Variants in CORO7 observed in about 807,000 individuals in gnomAD.
CORO7 encodes coronin 7.
A neutral mutation model predicts 126.6 loss-of-function variants in CORO7; 107 were observed. The observed-to-expected ratio is 0.85, with a 90% CI of 0.72 to 0.99. The LOEUF (loss-of-function observed/expected upper bound fraction) is 0.99. CORO7 is among the 50% of genes least tolerant of loss of function. The pLI, the probability that CORO7 is intolerant of heterozygous loss-of-function variation, is 0.00. For synonymous variants in CORO7, 603 were observed against 536.8 expected (o/e 1.12, Z -1.70); for missense variants, 1,314 against 1,255.8 (o/e 1.05, Z -0.70).
intron 6 of CORO7, among the ~76,000 whole-genome samples, chr16:4,398,377 T>C (rs1051300716): frequency 6.6e-6 from 1 of 152,020 alleles, no homozygotes; most frequent in Non-Finnish European, 1.5e-5. Context: ...AAATAGCAAG[T>C]ATCAGGCCGG....
intron 3 of CORO7, among the ~76,000 whole-genome samples, chr16:4,409,775 C>G (rs1029609011): frequency 6.6e-6 from 1 of 152,214 alleles, no homozygotes; most frequent in Non-Finnish European, 1.5e-5. Context: ...GGCTGCTGGG[C>G]GGAAGGGCAA....
chr16:4,359,132 C>T (rs1217605802), intron 23 of CORO7, 164 bp downstream of exon 23: 1 of 739,742 alleles, frequency 1.4e-6, no homozygotes, highest in Non-Finnish European at 2.1e-6. Context: ...CTAAATAATT[C>T]CAGCAGCAAC....
At chr16:4,387,843 T>C (rs1268025498) in intron 9 of CORO7, 143 bp downstream of exon 9, 3 of 1,026,442 alleles carry the variant, frequency 2.9e-6, no homozygotes, top group Non-Finnish European at 4.3e-6. Context: ...CAGGTGTCTG[T>C]TGCAAGGCCT....
At chr16:4,381,475 G>A in intron 9 of CORO7, 1 of 1,583,646 alleles carries the variant, frequency 6.3e-7, no homozygotes, top group South Asian at 1.1e-5. Context: ...GCTGCGGCTG[G>A]CTGGTCTGGG....
intron 9 of CORO7, chr16:4,381,095 C>T (rs1169532417): frequency 6.2e-7 from 1 of 1,607,840 alleles, no homozygotes; most frequent in Admixed American, 1.7e-5. Context: ...GGCAGCTTTG[C>T]CGGCCTGCCG....
At chr16:4,416,376 G>GCA in intron 1 of CORO7, 83 bp downstream of exon 1, 1 of 1,431,352 alleles carries the variant, frequency 7.0e-7, no homozygotes, top group Non-Finnish European at 9.1e-7. Context: ...GCCCTGGAGG[G>GCA]CACCCCTGTG....
At chr16:4,360,636 C>CGCCGCCCCTCCTCACTGCTGTT in intron 19 of CORO7, 88 bp from the exon 20 acceptor site, 5 of 1,473,308 alleles carry the variant, frequency 3.4e-6, no homozygotes, top group Non-Finnish European at 3.6e-6. Context: ...TCACTGCTGG[C>CGCCGCCCCTCCTCACTGCTGTT]GCCGCCCCTC....
intron 6 of CORO7, among the ~76,000 whole-genome samples, chr16:4,400,599 C>T (rs1223188963): frequency 6.6e-6 from 1 of 151,978 alleles, no homozygotes; most frequent in East Asian, 1.9e-4. Flanking sequence ...TGCCATTGCG[C>T]TCCAGCCTGG....
At chr16:4,374,668 C>T (rs1322987174) in intron 9 of CORO7, among the ~76,000 whole-genome samples, 1 of 152,208 alleles carries the variant, frequency 6.6e-6, no homozygotes, top group African/African-American at 2.4e-5. Context: ...TGTTCTGCCT[C>T]CCTGAATCCA....
At position 4,359,276 on chromosome 16, in the gene CORO7, A is replaced by G; in HGVS notation, c.2340+20T>C. On this transcript the variant is annotated intron_variant, in intron 23 of 27. Coordinates refer to ENST00000251166, the MANE Select transcript of CORO7 (RefSeq NM_024535.5). Reference sequence around the variant, plus strand: ...CAGCCTTGTGGTCCCATCGGGGACGAGGCGCCAGGGTGGCCTCACCTTGTG... The same window carrying G: ...CAGCCTTGTGGTCCCATCGGGGACGGGGCGCCAGGGTGGCCTCACCTTGTG... The G allele has an allele frequency of 6.3e-7, 1 of 1,582,402 alleles. No individual in the cohort carries two copies. Among genetic ancestry groups the G allele is most frequent in the Non-Finnish European group, 8.6e-7 (1 of 1,165,634 alleles).
chr16:4,361,418 C>A lies in CORO7; in HGVS notation c.1630G>T (p.Gly544Trp), dbSNP rs764057890. Residue 544 changes from glycine (G) to tryptophan (W), a missense_variant, in exon 17 of 28, where the codon GGG becomes TGG. Gly to Trp is a radical substitution (Grantham distance 184). Coordinates refer to ENST00000251166, the MANE Select transcript of CORO7 (RefSeq NM_024535.5). Reference sequence around the variant, plus strand: ...CAGGCCAGATCAGTCACAGCTGCCCCATTCTGCAGCGTGGGCAGTGCCGTG... The same window carrying A: ...CAGGCCAGATCAGTCACAGCTGCCCAATTCTGCAGCGTGGGCAGTGCCGTG... Reference protein sequence around the residue: ...PDTALPTLQNGAAVTDLAWDP... With the variant: ...PDTALPTLQNWAAVTDLAWDP... 25 of 1,611,818 alleles carry A rather than the reference C, an allele frequency of 1.6e-5. 2 individuals are homozygous for A. The South Asian group carries it at 2.6e-4, about 17-fold the overall frequency.
chr16:4,411,432 TGGATCACAC>T (rs2056203502), intron 3 of CORO7, among the ~76,000 whole-genome samples: 1 of 152,042 alleles, frequency 6.6e-6, no homozygotes, highest in African/African-American at 2.4e-5. Flanking sequence ...CTGGGCCTGG[TGGATCACAC>T]CTGTAATGCC....
At position 4,362,177 on chromosome 16, in the gene CORO7, A is replaced by T. The variant is rs2054202833; in HGVS notation, c.1403-17T>A. The T allele has an allele frequency of 2.5e-6, 4 of 1,600,748 alleles. No homozygotes were observed. Among genetic ancestry groups the T allele is most frequent in the Non-Finnish European group, 2.6e-6 (3 of 1,173,886 alleles). ...AACTGGGGCCTGGCAGGTGGCAGGGACATGGAACCACGTGTGAGGATGCCG... is the reference window on the plus strand; with the variant it reads ...AACTGGGGCCTGGCAGGTGGCAGGGTCATGGAACCACGTGTGAGGATGCCG... On this transcript the variant is annotated splice_polypyrimidine_tract_variant and intron_variant, in intron 15 of 27. Coordinates refer to ENST00000251166, the MANE Select transcript of CORO7 (RefSeq NM_024535.5). This position sits in a 1 kb window ranked among gnomAD's most constrained non-coding sequence, Gnocchi z 5.3.
intron 3 of CORO7, 135 bp downstream of exon 3, chr16:4,412,221 A>C: frequency 3.3e-6 from 3 of 914,346 alleles, no homozygotes; most frequent in Non-Finnish European, 5.2e-6. Flanking sequence ...ACTGTCTCTC[A>C]GAGAGTGCAC....
rs2054287452 is a variant in CORO7, at chr16:4,364,600, C to T, written c.1134G>A (p.Gln378=). The change falls in exon 13 of 28, where the codon CAG becomes CAA. Residue 378 remains glutamine, a synonymous_variant. Transcript: ENST00000251166. The part of the protein sequence containing the change: ...DPHSWWAGDN[Q]QVQKVSLNPA... Reference sequence around the variant, plus strand: ...GGTGAGCCAGCCCTGGTCCTACCTGCTGGTTGTCCCCAGCCCACCAGCTAT... The same window carrying T: ...GGTGAGCCAGCCCTGGTCCTACCTGTTGGTTGTCCCCAGCCCACCAGCTAT... 2 of 1,558,114 alleles carry T rather than the reference C, an allele frequency of 1.3e-6. No homozygotes were observed. Among genetic ancestry groups the T allele is most frequent in the African/African-American group, 1.4e-5 (1 of 73,764 alleles).
chr16:4,374,136 T>C (rs2054630796), intron 9 of CORO7, among the ~76,000 whole-genome samples: 1 of 147,334 alleles, frequency 6.8e-6, no homozygotes, highest in East Asian at 2.1e-4. Flanking sequence ...TGGGCGTGTG[T>C]CTGGCGTGGG....
At chr16:4,389,570 A>G (rs966935907) in intron 7 of CORO7, among the ~76,000 whole-genome samples, 3 of 152,128 alleles carry the variant, frequency 2.0e-5, no homozygotes, top group African/African-American at 4.8e-5. Context: ...GTGGGAGACC[A>G]TCGGAAACGG....
At chr16:4,409,145 G>T (rs2141325278) in intron 3 of CORO7, among the ~76,000 whole-genome samples, 1 of 152,218 alleles carries the variant, frequency 6.6e-6, no homozygotes, top group South Asian at 2.1e-4. Context: ...CCAGAGCTGG[G>T]AGCACAGCGA....
intron 25 of CORO7, 120 bp from the exon 26 acceptor site, chr16:4,357,379 T>TG: frequency 9.5e-7 from 1 of 1,057,980 alleles, no homozygotes; most frequent in South Asian, 1.7e-5. Context: ...TTTTTTGAGA[T>TG]GGAGTTTTGC....
Sources: allele counts gnomAD v4.1 joint callset (sites outside exome capture counted in the v4.1 genomes callset), GRCh38; gene constraint gnomAD v4.1.1; non-coding constraint Gnocchi (gnomAD v3.1); transcripts MANE v1.5; gene names NCBI Gene and HGNC (gene_info 2026-07-23, HGNC 2026-07-21).